CNOT1: variants seen among roughly 807,000 people sequenced by gnomAD.
CNOT1 encodes the protein CCR4-NOT transcription complex subunit 1.
In CNOT1, 15 loss-of-function variants were observed where a neutral mutation model predicts 273.8. The observed-to-expected ratio is 0.05, with a 90% CI of 0.04 to 0.08. CNOT1 has a LOEUF of 0.08. Ranked by LOEUF, CNOT1 falls within the 10% of genes least tolerant of loss-of-function variation. The pLI is 1.00. For missense variants in CNOT1, 1,644 were observed against 2,912.2 expected (o/e 0.56, Z 10.02); for synonymous variants, 1,022 against 1,005.5 (o/e 1.02, Z -0.31).
intron 17 of CNOT1, 147 bp from the exon 18 acceptor site, chr16:58,558,821 T>C: frequency 1.7e-6 from 2 of 1,153,490 alleles, no homozygotes; most frequent in Non-Finnish European, 2.4e-6. Context: ...ATCCCAGTTA[T>C]CAAGTCAAGT....
At chr16:58,589,773 T>C (rs372504778) in intron 2 of CNOT1, among the ~76,000 whole-genome samples, 3 of 152,336 alleles carry the variant, frequency 2.0e-5, no homozygotes, top group African/African-American at 7.2e-5. Flanking sequence ...TTCAGTGATT[T>C]AGATGCTGCC....
chr16:58,601,529 A>G (rs922310202), intron 1 of CNOT1, among the ~76,000 whole-genome samples: 2 of 152,178 alleles, frequency 1.3e-5, no homozygotes, highest in Admixed American at 6.6e-5. Flanking sequence ...AAAACTCACC[A>G]TGTAAGATGC....
In CNOT1 at chr16:58,538,283, A is replaced by G; in HGVS notation, c.5136-17T>C. The stretch of plus-strand genomic sequence containing the variant: ...ATTAGGCACCTAGAAAAAGTTCAAT[A>G]TCTTTACTCATATAGGCTTAACCAT... On this transcript the variant is annotated splice_polypyrimidine_tract_variant and intron_variant, in intron 36 of 48. Coordinates refer to ENST00000317147, the MANE Select transcript of CNOT1 (RefSeq NM_016284.5). 1.0e-6 allele frequency: 1 copy of G among 978,958 alleles called. No homozygotes were observed. The highest frequency in any genetic ancestry group is 1.3e-5 in the South Asian group (1 of 78,372). 60.6% of individuals were successfully genotyped at this position (978,958 alleles called of 1,614,324 possible). A position where few individuals can be genotyped will look rare whatever the true frequency, so the allele number is the denominator to read the frequency against.
chr16:58,569,692 C>T (rs1481489982), intron 16 of CNOT1, among the ~76,000 whole-genome samples: 2 of 147,796 alleles, frequency 1.4e-5, no homozygotes, highest in African/African-American at 5.0e-5. Context: ...AATTATCCAG[C>T]CTGAGAAAAT....
intron 16 of CNOT1, among the ~76,000 whole-genome samples, chr16:58,565,248 G>A (rs748624639): frequency 7.2e-5 from 11 of 151,976 alleles, no homozygotes; most frequent in African/African-American, 4.8e-5. Context: ...CAGCTGCTGG[G>A]ACTCCACGCA....
intron 13 of CNOT1, among the ~76,000 whole-genome samples, chr16:58,577,931 G>A (rs2041517884): frequency 6.6e-6 from 1 of 151,752 alleles, no homozygotes; most frequent in Non-Finnish European, 1.5e-5. Context: ...AAAATTAGAG[G>A]TAAAAAGCAC....
intron 32 of CNOT1, 25 bp from the exon 33 acceptor site, chr16:58,542,360 G>T (rs925674462): frequency 1.2e-6 from 2 of 1,613,758 alleles, no homozygotes; most frequent in South Asian, 2.2e-5. Flanking sequence ...AGTCACTGAG[G>T]TTCTTGTTAT....
chr16:58,525,404 G>A, intron 45 of CNOT1, 45 bp from the exon 46 acceptor site: 2 of 1,539,754 alleles, frequency 1.3e-6, no homozygotes, highest in Non-Finnish European at 1.8e-6. Context: ...CTCCTGCAGA[G>A]GACCAATTCT....
chr16:58,602,345 A>T (rs935447559), intron 1 of CNOT1, among the ~76,000 whole-genome samples: 2 of 152,076 alleles, frequency 1.3e-5, no homozygotes. Flanking sequence ...TGTTGGGATT[A>T]TAAGAGTGAG....
intron 16 of CNOT1, among the ~76,000 whole-genome samples, chr16:58,561,442 T>C (rs1464172019): frequency 6.6e-6 from 1 of 152,186 alleles, no homozygotes; most frequent in East Asian, 1.9e-4. Context: ...TTTATACTAG[T>C]ATATCACAGT....
At chr16:58,543,949 C>A in intron 30 of CNOT1, 46 bp from the exon 31 acceptor site, 1 of 1,521,444 alleles carries the variant, frequency 6.6e-7, no homozygotes, top group Non-Finnish European at 8.8e-7. Flanking sequence ...TTAAATAAGA[C>A]AATCCAATTC....
chr16:58,564,457 T>G (rs2040968427), intron 16 of CNOT1, among the ~76,000 whole-genome samples: 1 of 152,120 alleles, frequency 6.6e-6, no homozygotes, highest in South Asian at 2.1e-4. Flanking sequence ...TGCCTTCAAT[T>G]GTGTAAGCCA....
At chr16:58,546,530 T>C in intron 28 of CNOT1, 32 bp from the exon 29 acceptor site, 1 of 1,600,586 alleles carries the variant, frequency 6.2e-7, no homozygotes, top group Non-Finnish European at 8.5e-7. Context: ...TTAGAATTTT[T>C]AAAAGAAAAC....
intron 14 of CNOT1, 105 bp downstream of exon 14, chr16:58,576,358 A>G: frequency 1.3e-6 from 2 of 1,509,442 alleles, no homozygotes; most frequent in Non-Finnish European, 1.8e-6. Flanking sequence ...GGATCCGCCC[A>G]CCTCAGCCTC....
chr16:58,626,406 CAAAAAAAA>C (rs34556623), intron 1 of CNOT1, among the ~76,000 whole-genome samples: 270 of 60,994 alleles, frequency 4.4e-3, no homozygotes, highest in African/African-American at 0.016. Flanking sequence ...GACTGCGTCT[CAAAAAAAA>C]AAAAAAAAAA....
chr16:58,607,792 TAGAAGTC>T (rs1177850170), intron 1 of CNOT1, among the ~76,000 whole-genome samples: 1 of 149,014 alleles, frequency 6.7e-6, no homozygotes, highest in Non-Finnish European at 1.5e-5. Flanking sequence ...GGAGAAGAGA[TAGAAGTC>T]AGAACAAAAA....
chr16:58,560,163 T>C, intron 17 of CNOT1, 49 bp downstream of exon 17: 1 of 1,603,052 alleles, frequency 6.2e-7, no homozygotes, highest in Non-Finnish European at 8.5e-7. Context: ...GCTTATTCTA[T>C]TCCAAATCTA....
intron 2 of CNOT1, among the ~76,000 whole-genome samples, chr16:58,589,276 G>A (rs1205605465): frequency 6.6e-6 from 1 of 152,178 alleles, no homozygotes; most frequent in Non-Finnish European, 1.5e-5. Context: ...ACTTTGGGAG[G>A]CCGAGGCTGA....
chr16:58,555,608 T>C, intron 20 of CNOT1, 71 bp from the exon 21 acceptor site: 3 of 1,556,996 alleles, frequency 1.9e-6, no homozygotes, highest in African/African-American at 1.4e-5. Context: ...CAAATATGCT[T>C]AACAAAAGAC....
Sources: allele counts gnomAD v4.1 joint callset (sites outside exome capture counted in the v4.1 genomes callset), GRCh38; gene constraint gnomAD v4.1.1; transcripts MANE v1.5; gene names NCBI Gene and HGNC (gene_info 2026-07-23, HGNC 2026-07-21).